ARMH4: variants seen among roughly 807,000 people sequenced by gnomAD.
ARMH4 encodes armadillo-like helical domain-containing protein 4.
ARMH4 carries 49 observed loss-of-function variants against 61.9 expected under a neutral mutation model. The ratio of observed to expected loss-of-function variants is 0.79; its 90% CI spans 0.63 to 1.00. ARMH4 has a LOEUF of 1.00. ARMH4 is among the 50% of genes least tolerant of loss of function. ARMH4 has a pLI of 0.00. For missense variants in ARMH4, 934 were observed against 930.0 expected, an observed-to-expected ratio of 1.00 and a Z score of -0.06; for synonymous variants, 368 against 341.5, an observed-to-expected ratio of 1.08 and a Z score of -0.85.
intron 5 of ARMH4, among the ~76,000 whole-genome samples, chr14:58,085,682 A>G (rs1462248477): frequency 6.6e-6 from 1 of 152,206 alleles, no homozygotes; most frequent in African/African-American, 2.4e-5. Context: ...GAAGAGCTTC[A>G]GCTTCTAAGA....
chr14:58,095,471 C>A (rs1885717516), intron 5 of ARMH4, among the ~76,000 whole-genome samples: 1 of 152,066 alleles, frequency 6.6e-6, no homozygotes, highest in South Asian at 2.1e-4. Flanking sequence ...GTTCACAGAC[C>A]AGAGATAATC....
chr14:58,032,736 C>T (rs549654447), intron 5 of ARMH4, among the ~76,000 whole-genome samples: 6 of 152,084 alleles, frequency 3.9e-5, no homozygotes, highest in African/African-American at 7.2e-5. Context: ...ATTGCCTCAC[C>T]TGGGAAGCGC....
intron 5 of ARMH4, among the ~76,000 whole-genome samples, chr14:58,077,604 T>G (rs558799134): frequency 1.3e-5 from 2 of 152,090 alleles, no homozygotes; most frequent in East Asian, 3.9e-4. Flanking sequence ...GAGACTCTAT[T>G]CAAAAAGAAA....
In ARMH4 at chr14:58,004,750, C is replaced by T; in HGVS notation, c.2311G>A (p.Glu771Lys). 2 of 1,608,662 alleles carry T rather than the reference C, an allele frequency of 1.2e-6. No homozygotes were observed. The highest frequency in any genetic ancestry group is 1.7e-6 in the Non-Finnish European group (2 of 1,175,588). Residue 771 changes from glutamate (E) to lysine (K), a missense_variant, in exon 8 of 8, where the codon GAA becomes AAA. Physicochemically the swap from Glu to Lys is moderately conservative, Grantham distance 56. Coordinates refer to ENST00000267485, the MANE Select transcript of ARMH4 (RefSeq NM_001001872.4). ...CCCAGTCCAATTCAAAATTCATCTTCAGAGCTGTCGGCTAAGAGCATTACT... is the reference window on the plus strand; with the variant it reads ...CCCAGTCCAATTCAAAATTCATCTTTAGAGCTGTCGGCTAAGAGCATTACT... ...DRVMLLADSS[E>K]DEF
intron 5 of ARMH4, among the ~76,000 whole-genome samples, chr14:58,084,519 C>A (rs1885323590): frequency 6.6e-6 from 1 of 152,184 alleles, no homozygotes; most frequent in Non-Finnish European, 1.5e-5. Flanking sequence ...TCATACAAAT[C>A]TTCGGCAGTT....
At chr14:58,068,844 T>C (rs988647043) in intron 5 of ARMH4, among the ~76,000 whole-genome samples, 12 of 151,828 alleles carry the variant, frequency 7.9e-5, no homozygotes, top group African/African-American at 2.9e-4. Flanking sequence ...CCATCTCTAC[T>C]AAAAATACAA....
At chr14:58,075,726 A>G (rs1885025471) in intron 5 of ARMH4, among the ~76,000 whole-genome samples, 2 of 152,206 alleles carry the variant, frequency 1.3e-5, no homozygotes, top group African/African-American at 4.8e-5. Flanking sequence ...CGTTCTGCAC[A>G]TGTACCCCAG....
intron 5 of ARMH4, among the ~76,000 whole-genome samples, chr14:58,067,155 C>G (rs1416460758): frequency 2.6e-5 from 4 of 152,112 alleles, no homozygotes; most frequent in Non-Finnish European, 4.4e-5. Flanking sequence ...TGCTTTGTAC[C>G]CTTCCATCTT....
At chr14:58,128,839 T>C (rs1223138030) in intron 4 of ARMH4, among the ~76,000 whole-genome samples, 1 of 152,218 alleles carries the variant, frequency 6.6e-6, no homozygotes, top group African/African-American at 2.4e-5. Context: ...TACCAGTGAA[T>C]GTGACCATAT....
intron 5 of ARMH4, among the ~76,000 whole-genome samples, chr14:58,047,370 GTTTAGTGAATGTGGA>G (rs970728499): frequency 2.0e-5 from 3 of 152,180 alleles, no homozygotes; most frequent in African/African-American, 7.2e-5. Flanking sequence ...GGCAGTCAGA[GTTTAGTGAATGTGGA>G]TTTTAATGTC....
intron 5 of ARMH4, among the ~76,000 whole-genome samples, chr14:58,032,232 C>T (rs1883268499): frequency 6.6e-6 from 1 of 152,134 alleles, no homozygotes; most frequent in African/African-American, 2.4e-5. Context: ...CAGAGAAGGC[C>T]TGGCATGCAG....
intron 5 of ARMH4, among the ~76,000 whole-genome samples, chr14:58,030,494 T>A (rs913929581): frequency 1.3e-5 from 2 of 152,232 alleles, no homozygotes; most frequent in African/African-American, 4.8e-5. Flanking sequence ...ATGACCATCT[T>A]AACCATTTTC....
chr14:58,138,373 T>A lies in ARMH4; in HGVS notation c.986A>T (p.Lys329Met), dbSNP rs770157440. The change falls in exon 2 of 8, where the codon AAG (lysine) becomes ATG (methionine). Residue 329 changes from lysine (K) to methionine (M), a missense_variant. Transcript: ENST00000267485. ...CTGAGTCTCTTCATTGTCTCCAAGC[T>A]TGGGGGTCCTTATCCGGCTTACACT... ...LESVSRIRTP[K>M]LGDNEETQVR... The A allele has an allele frequency of 6.2e-7, 1 of 1,614,198 alleles. No individual in the cohort carries two copies. Among genetic ancestry groups the A allele is most frequent in the Admixed American group, 1.7e-5 (1 of 60,028 alleles).
At chr14:58,143,763 CTCT>C (rs1350256298) in intron 1 of ARMH4, among the ~76,000 whole-genome samples, 1 of 107,538 alleles carries the variant, frequency 9.3e-6, no homozygotes, top group Non-Finnish European at 1.9e-5. Context: ...CGTGCCCATC[CTCT>C]TTTTTTTTTT....
chr14:58,091,891 C>G (rs1885577630), intron 5 of ARMH4, among the ~76,000 whole-genome samples: 2 of 152,054 alleles, frequency 1.3e-5, no homozygotes, highest in East Asian at 3.9e-4. Context: ...CAGCAACACA[C>G]AGTTCACTCC....
chr14:58,067,084 T>C (rs949197942), intron 5 of ARMH4, among the ~76,000 whole-genome samples: 3 of 152,222 alleles, frequency 2.0e-5, no homozygotes, highest in Admixed American at 6.5e-5. Flanking sequence ...GTTGGTGAGT[T>C]TTCCCATCTT....
chr14:58,032,514 T>C (rs972852309), intron 5 of ARMH4, among the ~76,000 whole-genome samples: 8 of 152,144 alleles, frequency 5.3e-5, no homozygotes, highest in African/African-American at 1.9e-4. Context: ...AAAATACATC[T>C]AAAGAAACAT....
At chr14:58,146,508 C>T (rs1950763) in intron 1 of ARMH4, among the ~76,000 whole-genome samples, 34,589 of 152,140 alleles carry the variant, frequency 0.23, 4,736 homozygotes, top group East Asian at 0.63. Flanking sequence ...CTATCATTTG[C>T]TATCAAGCTA....
At chr14:58,100,998 G>C (rs1423746353) in intron 4 of ARMH4, 1 of 179,710 alleles carries the variant, frequency 5.6e-6, no homozygotes, top group African/African-American at 2.4e-5. Context: ...TTGACCAGAA[G>C]GATTAAGCTG....
Sources: gnomAD v4.1 joint callset for allele counts (sites outside exome capture counted in the v4.1 genomes callset) on GRCh38, gnomAD v4.1.1 for gene constraint, MANE v1.5 for transcripts, NCBI Gene and HGNC (gene_info 2026-07-23, HGNC 2026-07-21) for gene names.